MGMT: variants seen among roughly 807,000 people sequenced by gnomAD.
MGMT encodes methylated-DNA--protein-cysteine methyltransferase.
MGMT carries 14 observed loss-of-function variants against 15.9 expected under a neutral mutation model. That is an observed-to-expected ratio of 0.88 (90% CI 0.58 to 1.37). MGMT has a LOEUF of 1.37. MGMT is among the 40% of genes most tolerant of loss of function. The pLI is 0.00. For synonymous variants in MGMT, 130 were observed against 118.2 expected, an observed-to-expected ratio of 1.10 and a Z score of -0.65; for missense variants, 282 against 268.1, an observed-to-expected ratio of 1.05 and a Z score of -0.36.
chr10:129,598,153 C>T (rs1846773608), intron 2 of MGMT, among the ~76,000 whole-genome samples: 2 of 152,204 alleles, frequency 1.3e-5, no homozygotes, highest in African/African-American at 2.4e-5. Context: ...ACCCTGTTCT[C>T]ATGCCCAGCC....
chr10:129,717,487 A>G (rs1261597263), intron 3 of MGMT: 1 of 152,224 alleles, frequency 6.6e-6, no homozygotes, highest in African/African-American at 2.4e-5. Context: ...TTGTATTTTA[A>G]TGGAATTTTA....
intron 2 of MGMT, among the ~76,000 whole-genome samples, chr10:129,652,303 G>A (rs529394868): frequency 2.0e-5 from 3 of 152,320 alleles, no homozygotes; most frequent in Non-Finnish European, 2.9e-5. Context: ...GCCCCCGAGC[G>A]GAGACGCTGG....
intron 2 of MGMT, among the ~76,000 whole-genome samples, chr10:129,707,201 C>T (rs1048923790): frequency 3.9e-5 from 6 of 151,968 alleles, no homozygotes; most frequent in South Asian, 2.1e-4. Context: ...CACTTGAACC[C>T]GGGATATGGA....
At chr10:129,702,475 C>T (rs1014173737) in intron 2 of MGMT, among the ~76,000 whole-genome samples, 6 of 152,196 alleles carry the variant, frequency 3.9e-5, no homozygotes, top group South Asian at 2.1e-4. Context: ...AGGGGAGGTG[C>T]GACTCTGATG....
intron 1 of MGMT, among the ~76,000 whole-genome samples, chr10:129,478,125 A>G (rs1845315995): frequency 6.6e-6 from 1 of 152,204 alleles, no homozygotes; most frequent in South Asian, 2.1e-4. Context: ...TAAGCGGTAG[A>G]GGAACCTGCG....
intron 1 of MGMT, among the ~76,000 whole-genome samples, chr10:129,531,407 T>A (rs1845930078): frequency 6.6e-6 from 1 of 152,106 alleles, no homozygotes; most frequent in Non-Finnish European, 1.5e-5. Context: ...TTCATGCTAT[T>A]GAAACTCACT....
At position 129,759,350 on chromosome 10, in the gene MGMT, T is replaced by C; in HGVS notation, c.414+9T>C. On this transcript the variant is annotated intron_variant, in intron 4 of 4. Coordinates refer to ENST00000651593, the MANE Select transcript of MGMT (RefSeq NM_002412.5). Reference sequence around the variant, plus strand: ...CAATGAGAGGCAATCCTGTGAGTTCTCATGGCGCAAGCATGGCTGTGGGTG... The same window carrying C: ...CAATGAGAGGCAATCCTGTGAGTTCCCATGGCGCAAGCATGGCTGTGGGTG... The C allele has an allele frequency of 6.2e-7, 1 of 1,614,112 alleles. No individual in the cohort carries two copies. Among genetic ancestry groups the C allele is most frequent in the Non-Finnish European group, 8.5e-7 (1 of 1,180,008 alleles).
At chr10:129,636,585 TG>T (rs1847267471) in intron 2 of MGMT, among the ~76,000 whole-genome samples, 1 of 152,240 alleles carries the variant, frequency 6.6e-6, no homozygotes, top group South Asian at 2.1e-4. Flanking sequence ...GTCGTGATAA[TG>T]GGCATTCTTG....
chr10:129,592,287 G>A lies in MGMT; in HGVS notation c.125+55910G>A, dbSNP rs1165136392. On this transcript the variant is annotated intron_variant, in intron 2 of 4. Transcript: ENST00000651593. ...GAATGATGAAATCTGAGTTTCAAGT[G>A]AAAATCATAATTTTGAGAAACTTGC... Among the ~76,000 whole-genome samples the A allele has an allele frequency of 5.3e-5, 8 of 152,316 alleles. No homozygotes were observed. In the East Asian group the frequency reaches 1.2e-3, roughly 22 times the overall value.
rs4986983 is a variant in MGMT, at chr10:129,729,076, G to C, written c.274+21033G>C. Among the ~76,000 whole-genome samples the C allele has an allele frequency of 4.9e-3, 743 of 152,208 alleles. 5 individuals are homozygous for C. Among genetic ancestry groups the C allele is most frequent in the African/African-American group, 0.017 (710 of 41,542 alleles). On this transcript the variant is annotated intron_variant, in intron 3 of 4. Transcript: ENST00000651593. ...GCCCTGGCATGGGGCCCCTGCCACT[G>C]GGTGGGGAGGGGTGGGGACCAGACT...
chr10:129,683,569 C>A (rs1463747409), intron 2 of MGMT, among the ~76,000 whole-genome samples: 1 of 152,212 alleles, frequency 6.6e-6, no homozygotes, highest in Non-Finnish European at 1.5e-5. Context: ...TTCATACTTT[C>A]TTAATTCAGC....
At chr10:129,691,519 A>C (rs998569753) in intron 2 of MGMT, among the ~76,000 whole-genome samples, 3 of 152,218 alleles carry the variant, frequency 2.0e-5, no homozygotes, top group South Asian at 2.1e-4. Flanking sequence ...GCAGCCTTCA[A>C]GAGGACAGGT....
intron 1 of MGMT, among the ~76,000 whole-genome samples, chr10:129,522,378 A>G (rs1439873124): frequency 6.6e-6 from 1 of 152,148 alleles, no homozygotes; most frequent in East Asian, 1.9e-4. Context: ...GCAGAAAGCT[A>G]CTGTTCCTTT....
chr10:129,592,723 G>A (rs576321816), intron 2 of MGMT, among the ~76,000 whole-genome samples: 11 of 152,156 alleles, frequency 7.2e-5, no homozygotes, highest in Admixed American at 2.0e-4. Flanking sequence ...AAGCAGCTGC[G>A]AGAGTCCACC....
intron 3 of MGMT, among the ~76,000 whole-genome samples, chr10:129,740,007 C>G (rs557290764): frequency 2.0e-5 from 3 of 152,336 alleles, no homozygotes; most frequent in Admixed American, 2.0e-4. Flanking sequence ...GCCTCAGAGG[C>G]ACTTCCTTCC....
chr10:129,541,849 A>G (rs577667869), intron 2 of MGMT, among the ~76,000 whole-genome samples: 1 of 152,104 alleles, frequency 6.6e-6, no homozygotes, highest in Non-Finnish European at 1.5e-5. Context: ...GGATCCATTT[A>G]CAGGGTTTGT....
In MGMT at chr10:129,674,784, G is replaced by A. The variant is rs187549877; in HGVS notation, c.126-33111G>A. Among the ~76,000 whole-genome samples, 231 of 152,320 alleles carry A rather than the reference G, an allele frequency of 1.5e-3. 1 individual carries two copies. Among genetic ancestry groups the A allele is most frequent in the Non-Finnish European group, 2.4e-3 (166 of 68,036 alleles). ...GTTCTTGGTCCATAGCCCTCTGTGG[G>A]CCATATCTTTCCAGCATCAGTACCT... On this transcript the variant is annotated intron_variant, in intron 2 of 4. Transcript: ENST00000651593.
At chr10:129,623,547 A>G (rs1847113510) in intron 2 of MGMT, among the ~76,000 whole-genome samples, 1 of 152,136 alleles carries the variant, frequency 6.6e-6, no homozygotes, top group Non-Finnish European at 1.5e-5. Flanking sequence ...ATGTATGTAT[A>G]TATATAACTT....
chr10:129,546,416 G>A (rs1846098712), intron 2 of MGMT, among the ~76,000 whole-genome samples: 1 of 152,244 alleles, frequency 6.6e-6, no homozygotes, highest in South Asian at 2.1e-4. Context: ...GGATGTAGGG[G>A]CATGGAGGGG....
Sources: gnomAD v4.1 joint callset for allele counts (sites outside exome capture counted in the v4.1 genomes callset) on GRCh38, gnomAD v4.1.1 for gene constraint, MANE v1.5 for transcripts, NCBI Gene and HGNC (gene_info 2026-07-23, HGNC 2026-07-21) for gene names.